The following HMOX1 variants were observed in gnomAD, a reference collection of about 807,000 sequenced individuals.
The protein encoded by HMOX1 is heme oxygenase 1, also known as heat shock protein, 32-kD.
HMOX1 carries 22 observed loss-of-function variants against 27.8 expected under a neutral mutation model. The observed-to-expected ratio is 0.79, with a 90% CI of 0.57 to 1.13. The LOEUF is 1.13. Ranked by LOEUF, HMOX1 falls within the 50% of genes most tolerant of loss-of-function variation. HMOX1 has a pLI of 0.00. For synonymous variants in HMOX1, 153 were observed against 151.6 expected, an observed-to-expected ratio of 1.01 and a Z score of -0.07; for missense variants, 379 against 377.7, an observed-to-expected ratio of 1.00 and a Z score of -0.03.
chr22:35,382,645 G>C (rs758959385), intron 1 of HMOX1, among the ~76,000 whole-genome samples: 1 of 149,618 alleles, frequency 6.7e-6, no homozygotes, highest in Non-Finnish European at 1.5e-5. Flanking sequence ...TTACAGGCGT[G>C]AGCCACCATG....
At chr22:35,387,769 C>T (rs1931545029) in intron 3 of HMOX1, among the ~76,000 whole-genome samples, 2 of 152,258 alleles carry the variant, frequency 1.3e-5, no homozygotes, top group African/African-American at 2.4e-5. Context: ...AGAGCCTTCT[C>T]TCTCTGCCAC....
At chr22:35,382,517 A>ATTTTT (rs58712001) in intron 1 of HMOX1, among the ~76,000 whole-genome samples, 1 of 119,482 alleles carries the variant, frequency 8.4e-6, no homozygotes, top group South Asian at 2.7e-4. Context: ...ATGCCCGGCT[A>ATTTTT]TTTTTTTTTT....
chr22:35,381,135 G>T lies in HMOX1; in HGVS notation c.-39G>T. 2 of 1,537,568 alleles carry T rather than the reference G, an allele frequency of 1.3e-6. No individual in the cohort carries two copies. Among genetic ancestry groups the T allele is most frequent in the Non-Finnish European group, 1.7e-6 (2 of 1,147,480 alleles). Reference sequence around the variant, plus strand: ...CTCGAGCGTCCTCAGCGCAGCCGCCGCCCGCGGAGCCAGCACGAACGAGCC... The same window carrying T: ...CTCGAGCGTCCTCAGCGCAGCCGCCTCCCGCGGAGCCAGCACGAACGAGCC... On this transcript the variant is annotated 5_prime_UTR_variant, in exon 1 of 5. Transcript: ENST00000216117.
chr22:35,391,007 GTAAGGC>G (rs1201424270), intron 4 of HMOX1, among the ~76,000 whole-genome samples: 1 of 152,158 alleles, frequency 6.6e-6, no homozygotes, highest in Non-Finnish European at 1.5e-5. Context: ...CAATAAAGAG[GTAAGGC>G]TTAGCTACCT....
chr22:35,385,701 T>C lies in HMOX1; in HGVS notation c.145-984T>C, dbSNP rs927932464. Among the ~76,000 whole-genome samples, 10 of 142,968 alleles carry C rather than the reference T, an allele frequency of 7.0e-5. No individual in the cohort carries two copies. The Admixed American group carries it at 7.2e-4, about 10-fold the overall frequency. The allele number at this position is 142,968 out of a possible 152,430, so 93.8% of individuals were successfully genotyped here. On this transcript the variant is annotated intron_variant, in intron 2 of 4. Transcript: ENST00000216117. ...CGTGATCTCGGCTCACTGCAACCAC[T>C]GCCTCCTGGGTTCAAGCAATTCTCC...
chr22:35,381,163 G>A lies in HMOX1; in HGVS notation c.-11G>A. On this transcript the variant is annotated 5_prime_UTR_variant, in exon 1 of 5. Transcript: ENST00000216117. Reference sequence around the variant, plus strand: ...CGCGGAGCCAGCACGAACGAGCCCAGCACCGGCCGGATGGAGCGTCCGCAA... The same window carrying A: ...CGCGGAGCCAGCACGAACGAGCCCAACACCGGCCGGATGGAGCGTCCGCAA... 2 of 1,542,406 alleles carry A rather than the reference G, an allele frequency of 1.3e-6. No individual in the cohort carries two copies. Among genetic ancestry groups the A allele is most frequent in the Non-Finnish European group, 1.7e-6 (2 of 1,150,002 alleles).
At chr22:35,393,352 C>T (rs190452923) in intron 4 of HMOX1, 116 bp from the exon 5 acceptor site, 84 of 1,255,362 alleles carry the variant, frequency 6.7e-5, no homozygotes, top group African/African-American at 6.0e-4. Flanking sequence ...AGAATCCTGG[C>T]GTTGGGCAGT....
chr22:35,383,372 C>A, intron 2 of HMOX1, 146 bp downstream of exon 2: 1 of 945,966 alleles, frequency 1.1e-6, no homozygotes, highest in Non-Finnish European at 1.6e-6. Flanking sequence ...GACACTGAGG[C>A]TCAGAGAGGG....
intron 3 of HMOX1, among the ~76,000 whole-genome samples, chr22:35,389,215 C>CTCTCTT (rs1931591228): frequency 1.3e-4 from 15 of 112,182 alleles, no homozygotes; most frequent in East Asian, 2.4e-4. Context: ...CTTTCTTTCT[C>CTCTCTT]TCTTTCTTTC....
intron 2 of HMOX1, 134 bp downstream of exon 2, chr22:35,383,360 A>G (rs1228238855): frequency 2.0e-5 from 21 of 1,028,926 alleles, no homozygotes; most frequent in Non-Finnish European, 3.0e-5. Context: ...CTTAAAAATG[A>G]TGACACTGAG....
intron 2 of HMOX1, among the ~76,000 whole-genome samples, chr22:35,385,775 C>T (rs1334119157): frequency 6.6e-6 from 1 of 151,716 alleles, no homozygotes; most frequent in Non-Finnish European, 1.5e-5. Flanking sequence ...GCCACCATGC[C>T]TGGCCAATTT....
intron 3 of HMOX1, among the ~76,000 whole-genome samples, chr22:35,387,478 C>G (rs1343152682): frequency 1.3e-5 from 2 of 152,236 alleles, no homozygotes; most frequent in African/African-American, 2.4e-5. Context: ...CTCAAACATT[C>G]ACTACTGTCA....
intron 4 of HMOX1, among the ~76,000 whole-genome samples, chr22:35,392,177 T>C (rs1931739234): frequency 6.7e-6 from 1 of 149,478 alleles, no homozygotes; most frequent in Non-Finnish European, 1.5e-5. Context: ...TGAGCCGAGA[T>C]TGCACCACTG....
At position 35,381,122 on chromosome 22, in the gene HMOX1, C is replaced by T. The variant is rs2145762945; in HGVS notation, c.-52C>T. On this transcript the variant is annotated 5_prime_UTR_variant, in exon 1 of 5. Coordinates refer to ENST00000216117, the MANE Select transcript of HMOX1 (RefSeq NM_002133.3). ...ACGCCTGCCTCCTCTCGAGCGTCCTCAGCGCAGCCGCCGCCCGCGGAGCCA... is the reference window on the plus strand; with the variant it reads ...ACGCCTGCCTCCTCTCGAGCGTCCTTAGCGCAGCCGCCGCCCGCGGAGCCA... 2.0e-6 allele frequency: 3 copies of T among 1,535,464 alleles called. No homozygotes were observed. The highest frequency in any genetic ancestry group is 2.6e-6 in the Non-Finnish European group (3 of 1,146,332).
At chr22:35,392,865 C>T (rs944107865) in intron 4 of HMOX1, among the ~76,000 whole-genome samples, 11 of 152,014 alleles carry the variant, frequency 7.2e-5, no homozygotes, top group South Asian at 2.1e-4. Flanking sequence ...TACTGGCACT[C>T]GCAACCATAC....
At chr22:35,381,799 G>A (rs1022232084) in intron 1 of HMOX1, among the ~76,000 whole-genome samples, 16 of 151,584 alleles carry the variant, frequency 1.1e-4, no homozygotes, top group African/African-American at 3.6e-4. Flanking sequence ...CTGGGCTTAA[G>A]CATCCTCCCA....
chr22:35,393,406 T>C (rs898031393), intron 4 of HMOX1, 62 bp from the exon 5 acceptor site: 34 of 1,607,756 alleles, frequency 2.1e-5, no homozygotes, highest in Non-Finnish European at 2.6e-5. Context: ...TGCTTTCCTA[T>C]GACATCAGAC....
chr22:35,389,444 C>CTTTCTTTCTTTCTTTCT (rs1569057821), intron 3 of HMOX1, among the ~76,000 whole-genome samples: 3 of 109,954 alleles, frequency 2.7e-5, no homozygotes, highest in Non-Finnish European at 5.2e-5. Context: ...TTCTTTCTTT[C>CTTTCTTTCTTTCTTTCT]TTTCTTTTCT....
At chr22:35,382,283 A>C (rs952459999) in intron 1 of HMOX1, among the ~76,000 whole-genome samples, 18 of 152,230 alleles carry the variant, frequency 1.2e-4, no homozygotes, top group African/African-American at 3.6e-4. Context: ...GAGTGTTTAC[A>C]AAGCTGCGAG....
Sources: allele counts gnomAD v4.1 joint callset (sites outside exome capture counted in the v4.1 genomes callset), GRCh38; gene constraint gnomAD v4.1.1; transcripts MANE v1.5; gene names NCBI Gene and HGNC (gene_info 2026-07-23, HGNC 2026-07-21).